Variants in RBFOX3 observed in about 807,000 individuals in gnomAD.
RBFOX3 encodes the protein RNA binding protein fox-1 homolog 3.
A neutral mutation model predicts 48.7 loss-of-function variants in RBFOX3; 17 were observed. The ratio of observed to expected loss-of-function variants is 0.35; its 90% CI spans 0.24 to 0.52. The LOEUF (loss-of-function observed/expected upper bound fraction) is 0.52, where lower values mean the gene tolerates loss of function less well. Among genes scored for constraint, RBFOX3 ranks in the 20% least tolerant of loss-of-function variants. The pLI is 0.94. For synonymous variants in RBFOX3, 212 were observed against 209.5 expected, an observed-to-expected ratio of 1.01 and a Z score of -0.10; for missense variants, 382 against 497.5, an observed-to-expected ratio of 0.77 and a Z score of 2.21.
intron 4 of RBFOX3, among the ~76,000 whole-genome samples, chr17:79,164,726 C>T (rs1281416972): frequency 6.6e-6 from 1 of 152,182 alleles, no homozygotes; most frequent in East Asian, 1.9e-4. Context: ...TCCAGGCACC[C>T]TCCTGGGAGC....
rs371067625 is a variant in RBFOX3 at position 79,387,378 on chromosome 17, T to C, written c.-174-79554A>G. On this transcript the variant is annotated intron_variant, in intron 2 of 14. Transcript: ENST00000693108. ...CAACTCACAGGCGTGAGTCAAAACA[T>C]GAAGGCAAACACACTCTGGGGAACA... Among the ~76,000 whole-genome samples the C allele has an allele frequency of 1.6e-4, 25 of 152,256 alleles. No homozygotes were observed. In the East Asian group the frequency reaches 4.4e-3, roughly 27 times the overall value.
intron 4 of RBFOX3, among the ~76,000 whole-genome samples, chr17:79,190,941 A>G (rs2054397969): frequency 6.6e-6 from 1 of 152,204 alleles, no homozygotes; most frequent in Non-Finnish European, 1.5e-5. Flanking sequence ...TGTGGGTACA[A>G]TTTGGGTAGC....
At chr17:79,130,254 C>T (rs1039532165) in intron 4 of RBFOX3, among the ~76,000 whole-genome samples, 5 of 152,302 alleles carry the variant, frequency 3.3e-5, no homozygotes, top group Admixed American at 6.5e-5. Flanking sequence ...CCTTCCCCCC[C>T]GACTTCTCCA....
At position 79,430,195 on chromosome 17, in the gene RBFOX3, G is replaced by T. The variant is rs571428284; in HGVS notation, c.-175+52259C>A. On this transcript the variant is annotated intron_variant, in intron 2 of 14. Coordinates refer to ENST00000693108, the MANE Select transcript of RBFOX3 (RefSeq NM_001350451.2). Reference sequence around the variant, plus strand: ...GGTGTTTGATTTGAACAATAGCCCAGTCACTTCGAGAGCCATTGTTTTTAC... The same window carrying T: ...GGTGTTTGATTTGAACAATAGCCCATTCACTTCGAGAGCCATTGTTTTTAC... Among the ~76,000 whole-genome samples the T allele has an allele frequency of 5.3e-5, 8 of 152,202 alleles. No homozygotes were observed. In the East Asian group the frequency reaches 1.4e-3, roughly 26 times the overall value.
rs544729605 is a variant in RBFOX3 at position 79,117,332 on chromosome 17, T to C, written c.-33-1584A>G. Among the ~76,000 whole-genome samples, 42 of 152,278 alleles carry C rather than the reference T, an allele frequency of 2.8e-4. No homozygotes were observed. In the East Asian group the frequency reaches 7.5e-3, roughly 27 times the overall value. On this transcript the variant is annotated intron_variant, in intron 4 of 14. Transcript: ENST00000693108. ...CAGGAGTCCGCGTCCTTGCTGAAGG[T>C]GGGCTTTGCGGTGGGGAGGAGGAGC...
At chr17:79,129,481 C>T (rs1482666386) in intron 4 of RBFOX3, among the ~76,000 whole-genome samples, 2 of 103,728 alleles carry the variant, frequency 1.9e-5, no homozygotes, top group African/African-American at 6.5e-5. Flanking sequence ...TCTCCTTCCC[C>T]CAAGCCCCCC....
At chr17:79,529,875 C>A (rs2087442052) in intron 1 of RBFOX3, among the ~76,000 whole-genome samples, 1 of 152,216 alleles carries the variant, frequency 6.6e-6, no homozygotes, top group Admixed American at 6.5e-5. Flanking sequence ...TGCTTGTGAA[C>A]AACATGTTGC....
intron 4 of RBFOX3, among the ~76,000 whole-genome samples, chr17:79,209,072 G>A (rs549117455): frequency 5.9e-5 from 9 of 152,170 alleles, no homozygotes; most frequent in African/African-American, 2.2e-4. Flanking sequence ...GCCTGCCTCG[G>A]CCTCCCAAAG....
At chr17:79,487,854 G>T (rs2079868738) in intron 1 of RBFOX3, among the ~76,000 whole-genome samples, 1 of 138,358 alleles carries the variant, frequency 7.2e-6, no homozygotes, top group Non-Finnish European at 1.5e-5. Context: ...GGAGCTTGCA[G>T]TGAGCCGAGA....
intron 3 of RBFOX3, among the ~76,000 whole-genome samples, chr17:79,258,885 G>A (rs1567931880): frequency 1.3e-5 from 2 of 152,218 alleles, no homozygotes; most frequent in South Asian, 4.1e-4. Context: ...CAGTCCACCT[G>A]CCATGGCTAC....
At chr17:79,415,717 C>T (rs1251796884) in intron 2 of RBFOX3, among the ~76,000 whole-genome samples, 1 of 152,166 alleles carries the variant, frequency 6.6e-6, no homozygotes, top group African/African-American at 2.4e-5. Flanking sequence ...GGGGCGGAGT[C>T]GGCTCCCTGC....
chr17:79,211,327 C>T (rs1249842746), intron 4 of RBFOX3, among the ~76,000 whole-genome samples: 1 of 152,232 alleles, frequency 6.6e-6, no homozygotes, highest in Non-Finnish European at 1.5e-5. Context: ...ACGCCAGCCT[C>T]CGCCACCTCC....
intron 1 of RBFOX3, among the ~76,000 whole-genome samples, chr17:79,559,504 G>T (rs895021758): frequency 7.6e-4 from 114 of 149,532 alleles, no homozygotes; most frequent in Non-Finnish European, 1.5e-3. Context: ...GGTGGATTTT[G>T]TATGGGTGGA....
At chr17:79,132,517 A>G (rs1170169247) in intron 4 of RBFOX3, among the ~76,000 whole-genome samples, 2 of 152,322 alleles carry the variant, frequency 1.3e-5, no homozygotes, top group South Asian at 4.1e-4. Flanking sequence ...AGCCAACAGG[A>G]AACAGCGTAC....
chr17:79,240,579 G>C (rs1247181939), intron 3 of RBFOX3, among the ~76,000 whole-genome samples: 3 of 152,184 alleles, frequency 2.0e-5, no homozygotes, highest in African/African-American at 7.2e-5. Flanking sequence ...AGCCCCATTA[G>C]GGACACATTC....
chr17:79,520,596 G>C (rs1461000002), intron 1 of RBFOX3, among the ~76,000 whole-genome samples: 2 of 152,224 alleles, frequency 1.3e-5, no homozygotes, highest in African/African-American at 4.8e-5. Flanking sequence ...CATGCACAGG[G>C]CCAGAGGCCT....
chr17:79,354,634 G>C (rs950248275), intron 2 of RBFOX3, among the ~76,000 whole-genome samples: 1 of 152,272 alleles, frequency 6.6e-6, no homozygotes, highest in Non-Finnish European at 1.5e-5. Flanking sequence ...GCGTGGAACA[G>C]ACTGCGCGTT....
At chr17:79,174,193 T>C (rs60640141) in intron 4 of RBFOX3, among the ~76,000 whole-genome samples, 8,922 of 152,180 alleles carry the variant, frequency 0.059, 294 homozygotes, top group East Asian at 0.18. Flanking sequence ...AGGGACGAAG[T>C]GCTCACTATC....
At chr17:79,225,948 G>T (rs2060265460) in intron 4 of RBFOX3, among the ~76,000 whole-genome samples, 1 of 152,120 alleles carries the variant, frequency 6.6e-6, no homozygotes, top group Non-Finnish European at 1.5e-5. Flanking sequence ...CAGGATGGGG[G>T]TGTGGGAGGG....
Sources: gnomAD v4.1 joint callset for allele counts (sites outside exome capture counted in the v4.1 genomes callset) on GRCh38, gnomAD v4.1.1 for gene constraint, MANE v1.5 for transcripts, NCBI Gene and HGNC (gene_info 2026-07-23, HGNC 2026-07-21) for gene names.